The following CPEB2 variants were observed in gnomAD, a reference collection of about 807,000 sequenced individuals.
CPEB2 encodes cytoplasmic polyadenylation element binding protein 2, also known as cytoplasmic polyadenylation element-binding protein 2.
A neutral mutation model predicts 93.6 loss-of-function variants in CPEB2; 56 were observed. The observed-to-expected ratio is 0.60, with a 90% CI of 0.48 to 0.75. The LOEUF is 0.75. CPEB2 is among the 30% of genes least tolerant of loss of function. The probability of loss-of-function intolerance (pLI) is 0.00; values close to 1 mark genes in which losing one functional copy is unlikely to be tolerated. For missense variants in CPEB2, 1,579 were observed against 1,395.1 expected, an observed-to-expected ratio of 1.13 and a Z score of -2.10; for synonymous variants, 764 against 586.3, an observed-to-expected ratio of 1.30 and a Z score of -4.38.
Position 15,066,354 on chromosome 4 carries a change from C to T in CPEB2, c.3079C>T (p.Arg1027Cys), listed in dbSNP as rs1480427571. The T allele has an allele frequency of 1.2e-6, 2 of 1,609,958 alleles. No individual in the cohort carries two copies. Among genetic ancestry groups the T allele is most frequent in the Admixed American group, 1.7e-5 (1 of 59,276 alleles). The change falls in exon 12 of 12, where the codon CGT becomes TGT. Residue 1027 changes from arginine (R) to cysteine (C), a missense_variant. Arg to Cys is a radical substitution (Grantham distance 180). Coordinates refer to ENST00000538197, the MANE Select transcript of CPEB2 (RefSeq NM_001177382.2). Reference protein sequence around the residue: ...PLVKEGADRPRQIHFRWN With the variant: ...PLVKEGADRPCQIHFRWN Reference sequence around the variant, plus strand: ...GGTAAAGGAAGGTGCTGATCGCCCACGTCAGATCCACTTCCGCTGGAACTA... The same window carrying T: ...GGTAAAGGAAGGTGCTGATCGCCCATGTCAGATCCACTTCCGCTGGAACTA...
At chr4:15,042,896 T>A (rs1317030953) in intron 6 of CPEB2, among the ~76,000 whole-genome samples, 1 of 152,174 alleles carries the variant, frequency 6.6e-6, no homozygotes, top group Non-Finnish European at 1.5e-5. Flanking sequence ...TGTGTTAGAT[T>A]TGATCCATCA....
At chr4:15,059,334 A>T in intron 10 of CPEB2, 33 bp downstream of exon 10, 2 of 1,302,600 alleles carry the variant, frequency 1.5e-6, no homozygotes, top group Non-Finnish European at 1.1e-6. Flanking sequence ...TGTTTAAAAA[A>T]ATCATTTAAA....
intron 4 of CPEB2, among the ~76,000 whole-genome samples, chr4:15,026,299 T>A (rs1239800270): frequency 2.0e-5 from 3 of 151,964 alleles, no homozygotes; most frequent in Non-Finnish European, 4.4e-5. Flanking sequence ...TGATCTTGGC[T>A]CACTGCAACC....
At chr4:15,008,872 TC>T (rs1026079911) in intron 3 of CPEB2, among the ~76,000 whole-genome samples, 4 of 152,218 alleles carry the variant, frequency 2.6e-5, no homozygotes, top group African/African-American at 7.2e-5. Context: ...AAAAAAGACT[TC>T]TCTTGGTTCA....
intron 4 of CPEB2, among the ~76,000 whole-genome samples, chr4:15,030,735 C>T (rs1402209329): frequency 2.0e-5 from 3 of 151,852 alleles, no homozygotes; most frequent in Admixed American, 6.6e-5. Context: ...TCTTAGGTAG[C>T]GAGCTGTAGT....
intron 11 of CPEB2, 90 bp from the exon 12 acceptor site, chr4:15,066,063 C>G: frequency 8.8e-7 from 1 of 1,140,592 alleles, no homozygotes; most frequent in Admixed American, 2.1e-5. Context: ...AATGCTGGTC[C>G]TTTTTTTCTG....
chr4:15,054,093 C>T, intron 7 of CPEB2, 35 bp from the exon 8 acceptor site: 1 of 1,422,684 alleles, frequency 7.0e-7, no homozygotes, highest in South Asian at 1.2e-5. Context: ...ATCACTGAAA[C>T]TAATTTCTAA....
At chr4:15,020,969 T>C (rs964470656) in intron 4 of CPEB2, among the ~76,000 whole-genome samples, 8 of 151,830 alleles carry the variant, frequency 5.3e-5, no homozygotes, top group African/African-American at 1.7e-4. Context: ...GATGGAAAAA[T>C]TGGGAGAAAG....
chr4:15,060,461 G>T (rs1729084468), intron 10 of CPEB2, among the ~76,000 whole-genome samples: 1 of 152,134 alleles, frequency 6.6e-6, no homozygotes, highest in Non-Finnish European at 1.5e-5. Context: ...AGACAATGGT[G>T]GCTTGGATTA....
At chr4:15,019,195 GA>G (rs1375617957) in intron 4 of CPEB2, among the ~76,000 whole-genome samples, 3 of 150,598 alleles carry the variant, frequency 2.0e-5, no homozygotes, top group East Asian at 1.9e-4. Context: ...AGAGAAAAAA[GA>G]AAAAAATCGA....
chr4:15,004,355 G>GGCCGC lies in CPEB2; in HGVS notation c.1662+27_1662+31dup, dbSNP rs1722487883. 1.4e-6 allele frequency: 2 copies of GGCCGC among 1,422,654 alleles called. No homozygotes were observed. The highest frequency in any genetic ancestry group is 3.0e-5 in the African/African-American group (2 of 65,890). The allele number at this position is 1,422,654 out of a possible 1,614,324, so 88.1% of individuals were successfully genotyped here. On this transcript the variant is annotated intron_variant, in intron 1 of 11. Coordinates refer to ENST00000538197, the MANE Select transcript of CPEB2 (RefSeq NM_001177382.2). The stretch of plus-strand genomic sequence containing the variant: ...CACCAGGTACGGCGGGCGGCGGCCT[G>GGCCGC]GCCGCGCCGCGGGACCGGGAGACCA...
chr4:15,062,383 AG>A (rs1729272489), intron 11 of CPEB2, 123 bp downstream of exon 11: 1 of 575,802 alleles, frequency 1.7e-6, no homozygotes. Context: ...TAAGTCTTAA[AG>A]GATATTATAT....
intron 8 of CPEB2, among the ~76,000 whole-genome samples, chr4:15,057,316 G>T (rs144485842): frequency 2.0e-4 from 31 of 152,130 alleles, no homozygotes; most frequent in African/African-American, 7.5e-4. Flanking sequence ...ATGCAAACAG[G>T]TATTTTTATT....
chr4:15,054,209 C>T lies in CPEB2; in HGVS notation c.2453C>T (p.Pro818Leu). 1 of 1,606,468 alleles carries T rather than the reference C, an allele frequency of 6.2e-7. No homozygotes were observed. The highest frequency in any genetic ancestry group is 8.5e-7 in the Non-Finnish European group (1 of 1,175,846). ...AAAGCAGAAAGCAAGTCCTATTTTC[C>T]ACCAAAAGGTAAGGATTGTTATTGT... ...PHKAESKSYF[P>L]PKGYAFLLFQ... is the part of the protein sequence containing the mutation. The change falls in exon 8 of 12, where the codon CCA becomes CTA. Residue 818 changes from proline (P) to leucine (L), a missense_variant. Physicochemically the swap from Pro to Leu is moderately conservative, Grantham distance 98. Coordinates refer to ENST00000538197, the MANE Select transcript of CPEB2 (RefSeq NM_001177382.2).
chr4:15,020,113 C>T (rs1057322969), intron 4 of CPEB2, among the ~76,000 whole-genome samples: 3 of 152,044 alleles, frequency 2.0e-5, no homozygotes, highest in African/African-American at 7.2e-5. Flanking sequence ...ATTTTTCTTA[C>T]AACATGGTTG....
At chr4:15,054,320 A>G (rs1728518784) in intron 8 of CPEB2, 103 bp downstream of exon 8, 2 of 790,494 alleles carry the variant, frequency 2.5e-6, no homozygotes, top group Admixed American at 4.9e-5. Flanking sequence ...GAGACTTGCT[A>G]TGATTTGATA....
rs1313219217 is a variant in CPEB2 at position 15,003,115 on chromosome 4, TCCTCCTCCTCCG to T, written c.452_463del (p.Ser151_Ser154del). The T allele has an allele frequency of 3.9e-6, 6 of 1,519,812 alleles. No individual in the cohort carries two copies. Among genetic ancestry groups the T allele is most frequent in the African/African-American group, 2.8e-5 (2 of 70,414 alleles). The allele number at this position is 1,519,812 out of a possible 1,614,324, so 94.1% of individuals were successfully genotyped here. On this transcript the variant is annotated inframe_deletion, in exon 1 of 12. Transcript: ENST00000538197. ...CTTCAAACCGAGTCTGCACCACCCC[TCCTCCTCCTCCG>T]CCTCCTCCTGCTGCTGCTGCCGCAC...
Position 15,068,063 on chromosome 4 carries a change from A to C in CPEB2, c.*1683A>C, listed in dbSNP as rs1172052352. The C allele has an allele frequency of 2.6e-5, 4 of 152,362 alleles. No individual in the cohort carries two copies. Among genetic ancestry groups the C allele is most frequent in the African/African-American group, 9.7e-5 (4 of 41,430 alleles). 9.4% of individuals were successfully genotyped at this position (152,362 alleles called of 1,614,324 possible). ...TAATGTAAGAGTTACTCTGCAATCT[A>C]AGCAAAGCACCCAACAATGGTAAAT... On this transcript the variant is annotated 3_prime_UTR_variant, in exon 12 of 12. Transcript: ENST00000538197.
intron 6 of CPEB2, among the ~76,000 whole-genome samples, chr4:15,042,284 G>T (rs1224791489): frequency 6.6e-6 from 1 of 152,100 alleles, no homozygotes; most frequent in Non-Finnish European, 1.5e-5. Flanking sequence ...AGGAAGTAAT[G>T]TTATTATTTG....
Sources: allele counts gnomAD v4.1 joint callset (sites outside exome capture counted in the v4.1 genomes callset), GRCh38; gene constraint gnomAD v4.1.1; transcripts MANE v1.5; gene names NCBI Gene and HGNC (gene_info 2026-07-23, HGNC 2026-07-21).